BTBD8: variants seen among roughly 807,000 people sequenced by gnomAD.
The protein encoded by BTBD8 is BTB domain containing 8, also known as BTB/POZ domain-containing protein 8.
In BTBD8, 110 loss-of-function variants were observed where a neutral mutation model predicts 162.9. The ratio of observed to expected loss-of-function variants is 0.68; its 90% CI spans 0.58 to 0.79. The LOEUF is 0.79. BTBD8 is among the 30% of genes least tolerant of loss of function. The pLI is 0.00. For missense variants in BTBD8, 1,905 were observed against 2,085.4 expected, an observed-to-expected ratio of 0.91 and a Z score of 1.68; for synonymous variants, 667 against 716.1, an observed-to-expected ratio of 0.93 and a Z score of 1.10.
At chr1:92,166,494 A>T (rs542289120) in intron 9 of BTBD8, among the ~76,000 whole-genome samples, 51 of 139,160 alleles carry the variant, frequency 3.7e-4, no homozygotes, top group South Asian at 4.4e-4. Flanking sequence ...GTGCGATCTC[A>T]GCTCACTGCA....
chr1:92,085,909 G>A, intron 1 of BTBD8, among the ~76,000 whole-genome samples: 1 of 152,104 alleles, frequency 6.6e-6, no homozygotes, highest in East Asian at 1.9e-4. Flanking sequence ...TGGGACCAGG[G>A]GGCCAATGCT....
At chr1:92,141,058 G>A in intron 6 of BTBD8, 57 bp from the exon 7 acceptor site, 3 of 1,429,138 alleles carry the variant, frequency 2.1e-6, no homozygotes, top group African/African-American at 1.5e-5. Context: ...AAATTAGTAT[G>A]TGTTGTGCCT....
At chr1:92,144,738 G>T (rs1472429211) in intron 7 of BTBD8, among the ~76,000 whole-genome samples, 2 of 150,106 alleles carry the variant, frequency 1.3e-5, no homozygotes, top group Non-Finnish European at 3.0e-5. Flanking sequence ...TTGAGCCCAG[G>T]AATTTGAGGC....
chr1:92,098,334 G>A (rs924211056), intron 2 of BTBD8, among the ~76,000 whole-genome samples: 1 of 152,036 alleles, frequency 6.6e-6, no homozygotes, highest in Non-Finnish European at 1.5e-5. Flanking sequence ...CAGATGATAG[G>A]CTTTTGGGTT....
At chr1:92,151,225 A>C (rs1258240340) in intron 9 of BTBD8, among the ~76,000 whole-genome samples, 1 of 151,958 alleles carries the variant, frequency 6.6e-6, no homozygotes, top group Non-Finnish European at 1.5e-5. Flanking sequence ...CTGGTGGTGC[A>C]TGCCTGTAAT....
chr1:92,145,539 A>G (rs562664629), intron 7 of BTBD8, among the ~76,000 whole-genome samples: 1 of 152,358 alleles, frequency 6.6e-6, no homozygotes, highest in South Asian at 2.1e-4. Context: ...TGAGAAATAA[A>G]TGTGCTTAGA....
At chr1:92,120,937 A>G (rs1253185919) in intron 4 of BTBD8, among the ~76,000 whole-genome samples, 1 of 152,032 alleles carries the variant, frequency 6.6e-6, no homozygotes, top group African/African-American at 2.4e-5. Context: ...TAATTTTTGT[A>G]TTTTTAGTAG....
chr1:92,088,816 C>T lies in BTBD8; in HGVS notation c.268C>T (p.Gln90Ter). The change falls in exon 2 of 18, where the codon CAG (glutamine) becomes TAG (stop). Residue 90 changes from glutamine (Q) to a stop codon, truncating the protein, a stop_gained. Transcript: ENST00000636805. LOFTEE classifies it high-confidence loss of function. ...VPDFYFHTIG[Q>*]TSNSLTNQEP... Reference sequence around the variant, plus strand: ...TGACTTCTATTTTCATACTATTGGACAGACATCAAATAGTTTAACAAATCA... The same window carrying T: ...TGACTTCTATTTTCATACTATTGGATAGACATCAAATAGTTTAACAAATCA... The T allele has an allele frequency of 6.2e-7, 1 of 1,613,122 alleles. No individual in the cohort carries two copies. Among genetic ancestry groups the T allele is most frequent in the Non-Finnish European group, 8.5e-7 (1 of 1,179,430 alleles).
At chr1:92,151,463 A>G (rs1226956796) in intron 9 of BTBD8, among the ~76,000 whole-genome samples, 1 of 152,196 alleles carries the variant, frequency 6.6e-6, no homozygotes, top group Non-Finnish European at 1.5e-5. Flanking sequence ...ATAGTTAACA[A>G]ATTATTGGCC....
chr1:92,091,271 A>T (rs937022089), intron 2 of BTBD8, among the ~76,000 whole-genome samples: 3 of 152,104 alleles, frequency 2.0e-5, no homozygotes, highest in Non-Finnish European at 2.9e-5. Context: ...CATGTAAGAC[A>T]TGCTGCTTTC....
intron 2 of BTBD8, among the ~76,000 whole-genome samples, chr1:92,097,326 C>T (rs918325306): frequency 2.0e-5 from 3 of 152,190 alleles, no homozygotes; most frequent in East Asian, 1.9e-4. Context: ...CATCAAAGCT[C>T]CTCAAGAATT....
At position 92,084,074 on chromosome 1, in the gene BTBD8, A is replaced by G. The variant is rs1022142886; in HGVS notation, c.149+3354A>G. On this transcript the variant is annotated intron_variant, in intron 1 of 17. Transcript: ENST00000636805. Reference sequence around the variant, plus strand: ...TAGCACCTAGTTATCCAAATATGAGAAAGAGCCAAGTTATTCCTTCCCTGC... The same window carrying G: ...TAGCACCTAGTTATCCAAATATGAGGAAGAGCCAAGTTATTCCTTCCCTGC... Among the ~76,000 whole-genome samples, 3 of 152,170 alleles carry G rather than the reference A, an allele frequency of 2.0e-5. 1 individual carries two copies. Among genetic ancestry groups the G allele is most frequent in the Non-Finnish European group, 4.4e-5 (3 of 68,030 alleles).
intron 4 of BTBD8, among the ~76,000 whole-genome samples, chr1:92,117,073 CTCCTGGCAGAAGGGAA>C (rs1310574523): frequency 6.6e-6 from 1 of 151,856 alleles, no homozygotes. Flanking sequence ...TGGTCTTGAA[CTCCTGGCAGAAGGGAA>C]TCCTTCTGCC....
intron 4 of BTBD8, among the ~76,000 whole-genome samples, chr1:92,112,053 T>C (rs1010924616): frequency 1.3e-5 from 2 of 152,208 alleles, no homozygotes; most frequent in Non-Finnish European, 2.9e-5. Flanking sequence ...AGAAAAGTTA[T>C]TGTTCCAGTG....
At chr1:92,154,228 C>T (rs1650107270) in intron 9 of BTBD8, among the ~76,000 whole-genome samples, 1 of 152,192 alleles carries the variant, frequency 6.6e-6, no homozygotes, top group Non-Finnish European at 1.5e-5. Flanking sequence ...GCTAATAAAC[C>T]TCTTTTCCTT....
chr1:92,093,200 T>TA lies in BTBD8; in HGVS notation c.347+4305_347+4306insA, dbSNP rs1194051818. Among the ~76,000 whole-genome samples the TA allele has an allele frequency of 9.2e-4, 138 of 149,424 alleles. 1 individual carries two copies. Among genetic ancestry groups the TA allele is most frequent in the Non-Finnish European group, 2.2e-4 (15 of 67,358 alleles). On this transcript the variant is annotated intron_variant, in intron 2 of 17. Coordinates refer to ENST00000636805, the MANE Select transcript of BTBD8 (RefSeq NM_001376131.1). Reference sequence around the variant, plus strand: ...TTTGAAATACCAATTTTTTTTTTTTTTTTTTTTTGAGACGGGAGTCTTGCT... The same window carrying TA: ...TTTGAAATACCAATTTTTTTTTTTTTATTTTTTTTGAGACGGGAGTCTTGCT...
intron 13 of BTBD8, among the ~76,000 whole-genome samples, chr1:92,174,416 C>G (rs908199113): frequency 6.6e-6 from 1 of 151,990 alleles, no homozygotes; most frequent in Non-Finnish European, 1.5e-5. Context: ...GTCTCAAACT[C>G]CTGGGCTCAA....
intron 2 of BTBD8, among the ~76,000 whole-genome samples, chr1:92,096,550 C>A (rs1267380180): frequency 6.7e-6 from 1 of 150,334 alleles, no homozygotes; most frequent in African/African-American, 2.5e-5. Flanking sequence ...ACCTATATTT[C>A]CTTTTTTTTT....
At chr1:92,175,206 C>T (rs995431780) in intron 13 of BTBD8, among the ~76,000 whole-genome samples, 9 of 151,758 alleles carry the variant, frequency 5.9e-5, no homozygotes, top group South Asian at 2.1e-4. Flanking sequence ...ATAGGACGGG[C>T]GCGGTGGCTC....
Sources: gnomAD v4.1 joint callset for allele counts (sites outside exome capture counted in the v4.1 genomes callset) on GRCh38, gnomAD v4.1.1 for gene constraint, MANE v1.5 for transcripts, NCBI Gene and HGNC (gene_info 2026-07-23, HGNC 2026-07-21) for gene names.